MLLT10: variants seen among roughly 807,000 people sequenced by gnomAD.
MLLT10 encodes the protein MLLT10 histone lysine methyltransferase DOT1L cofactor.
MLLT10 carries 30 observed loss-of-function variants against 129.1 expected under a neutral mutation model. The observed-to-expected ratio is 0.23, with a 90% CI of 0.17 to 0.32. The LOEUF is 0.32. MLLT10 is among the 10% of genes least tolerant of loss of function. The pLI is 1.00. For synonymous variants in MLLT10, 490 were observed against 446.4 expected (o/e 1.10, Z -1.23); for missense variants, 1,119 against 1,268.3 (o/e 0.88, Z 1.79).
In MLLT10 at chr10:21,733,018, G is replaced by C. The variant is rs1186974021; in HGVS notation, c.2338G>C (p.Val780Leu). The stretch of plus-strand genomic sequence containing the variant: ...TCAGTTATTGAATGCACAGCTTTCA[G>C]TGCCTTTTCCAACAATAACAGCAAA... The part of the protein sequence containing the change: ...RLQLLNAQLS[V>L]PFPTITANPS... The change falls in exon 18 of 23, where the codon GTG (valine) becomes CTG (leucine). Residue 780 changes from valine to leucine, a missense_variant. Transcript: ENST00000307729. 3 of 1,613,754 alleles carry C rather than the reference G, an allele frequency of 1.9e-6. No homozygotes were observed. Among genetic ancestry groups the C allele is most frequent in the Non-Finnish European group, 2.5e-6 (3 of 1,179,894 alleles).
chr10:21,546,008 C>G (rs745426801), intron 3 of MLLT10, among the ~76,000 whole-genome samples: 2 of 152,144 alleles, frequency 1.3e-5, no homozygotes, highest in South Asian at 2.1e-4. Context: ...TTACTGCAGG[C>G]TGCAGTGACT....
intron 13 of MLLT10, among the ~76,000 whole-genome samples, chr10:21,695,425 T>C (rs542607622): frequency 3.9e-5 from 6 of 152,326 alleles, no homozygotes; most frequent in South Asian, 4.1e-4. Context: ...TAGCGTTTCA[T>C]TGAATAACCA....
intron 9 of MLLT10, among the ~76,000 whole-genome samples, chr10:21,655,694 G>T (rs766433466): frequency 6.6e-6 from 1 of 152,138 alleles, no homozygotes; most frequent in Non-Finnish European, 1.5e-5. Context: ...AAAGGTTTTA[G>T]AGAGTTGTAG....
At chr10:21,688,367 C>A (rs1046187196) in intron 13 of MLLT10, 1 of 746,274 alleles carries the variant, frequency 1.3e-6, no homozygotes, top group Non-Finnish European at 2.3e-6. Flanking sequence ...GGGATTTTAA[C>A]CCTGATGATC....
intron 3 of MLLT10, among the ~76,000 whole-genome samples, chr10:21,556,392 A>G (rs1387131037): frequency 3.3e-5 from 5 of 152,238 alleles, no homozygotes; most frequent in Non-Finnish European, 7.3e-5. Context: ...ATATCTGATC[A>G]TGATCACCTG....
intron 9 of MLLT10, among the ~76,000 whole-genome samples, chr10:21,667,711 A>G (rs978744715): frequency 3.9e-5 from 6 of 152,178 alleles, no homozygotes; most frequent in African/African-American, 9.6e-5. Flanking sequence ...GCCATCACCA[A>G]TGCAGATGAC....
At chr10:21,665,985 C>G (rs2050752240) in intron 9 of MLLT10, among the ~76,000 whole-genome samples, 1 of 152,180 alleles carries the variant, frequency 6.6e-6, no homozygotes, top group Admixed American at 6.5e-5. Flanking sequence ...ACAGTGTGAG[C>G]CACTGCACCT....
chr10:21,650,174 T>C (rs1263160416), intron 8 of MLLT10, among the ~76,000 whole-genome samples: 1 of 151,694 alleles, frequency 6.6e-6, no homozygotes, highest in Admixed American at 6.6e-5. Flanking sequence ...CACTGCACTC[T>C]CAAAAATAAA....
intron 9 of MLLT10, among the ~76,000 whole-genome samples, chr10:21,664,955 T>C (rs78632621): frequency 1.4e-5 from 2 of 141,414 alleles, no homozygotes; most frequent in Admixed American, 6.9e-5. Context: ...TTTTTTTTTT[T>C]TTTTTTTTGA....
intron 5 of MLLT10, among the ~76,000 whole-genome samples, chr10:21,611,647 T>G (rs2044666531): frequency 6.6e-6 from 1 of 152,108 alleles, no homozygotes; most frequent in African/African-American, 2.4e-5. Context: ...CCAGCCATGA[T>G]TTTGAGCTGT....
intron 9 of MLLT10, among the ~76,000 whole-genome samples, chr10:21,667,892 G>C (rs141940447): frequency 4.1e-4 from 62 of 152,118 alleles, no homozygotes; most frequent in Admixed American, 5.9e-4. Context: ...AGGTATATTG[G>C]TGTTGCAGCT....
intron 8 of MLLT10, among the ~76,000 whole-genome samples, chr10:21,627,928 T>C (rs951349488): frequency 6.6e-6 from 1 of 152,238 alleles, no homozygotes; most frequent in Non-Finnish European, 1.5e-5. Context: ...AAATACATTT[T>C]CTATTTTTCA....
Position 21,670,685 on chromosome 10 carries a change from A to G in MLLT10, c.1032A>G (p.Ala344=). 6.2e-7 allele frequency: 1 copy of G among 1,613,972 alleles called. No homozygotes were observed. The highest frequency in any genetic ancestry group is 2.2e-5 in the East Asian group (1 of 44,868). ...GAAATCCAGGAACAACTGTGTCAGC[A>G]GCTAGCCCTTTTCCTCAAGGTATTA... The part of the protein sequence containing the change: ...GGRNPGTTVS[A]ASPFPQGSFS... Residue 344 remains alanine (A), a synonymous_variant, in exon 10 of 23, where the codon GCA becomes GCG. Transcript: ENST00000307729.
chr10:21,607,510 C>T (rs188976096), intron 5 of MLLT10, among the ~76,000 whole-genome samples: 4 of 151,902 alleles, frequency 2.6e-5, no homozygotes, highest in African/African-American at 4.8e-5. Context: ...AGTAGATACA[C>T]GGTTTCTCCA....
At chr10:21,694,133 G>A (rs1049792100) in intron 13 of MLLT10, among the ~76,000 whole-genome samples, 2 of 152,152 alleles carry the variant, frequency 1.3e-5, no homozygotes, top group Non-Finnish European at 2.9e-5. Flanking sequence ...AGTAAGTTGC[G>A]CACCGTATCC....
intron 3 of MLLT10, among the ~76,000 whole-genome samples, chr10:21,568,550 C>G (rs569371430): frequency 2.1e-4 from 32 of 152,252 alleles, no homozygotes; most frequent in Non-Finnish European, 4.1e-4. Context: ...GTATAAATTT[C>G]TATTTCAATT....
chr10:21,555,397 A>G (rs974283600), intron 3 of MLLT10, among the ~76,000 whole-genome samples: 1 of 150,444 alleles, frequency 6.6e-6, no homozygotes, highest in Admixed American at 6.6e-5. Flanking sequence ...TAATTTTTGT[A>G]TTTTTAGTAG....
intron 8 of MLLT10, among the ~76,000 whole-genome samples, chr10:21,636,993 C>T (rs796854753): frequency 4.6e-5 from 7 of 152,248 alleles, no homozygotes; most frequent in African/African-American, 1.7e-4. Flanking sequence ...CCTCATAAGG[C>T]CTTAGTGGGT....
intron 8 of MLLT10, among the ~76,000 whole-genome samples, chr10:21,648,738 T>C (rs1428736778): frequency 6.6e-6 from 1 of 152,140 alleles, no homozygotes; most frequent in Non-Finnish European, 1.5e-5. Flanking sequence ...GGTAATTTTA[T>C]AGAAAAAGAG....
Sources: allele counts gnomAD v4.1 joint callset (sites outside exome capture counted in the v4.1 genomes callset), GRCh38; gene constraint gnomAD v4.1.1; transcripts MANE v1.5; gene names NCBI Gene and HGNC (gene_info 2026-07-23, HGNC 2026-07-21).